Variants in SH3BGRL observed in about 807,000 individuals in gnomAD.
The protein encoded by SH3BGRL is adapter SH3BGRL.
In SH3BGRL, 7 loss-of-function variants were observed where a neutral mutation model predicts 9.8. The ratio of observed to expected loss-of-function variants is 0.72; its 90% CI spans 0.41 to 1.35. The LOEUF (loss-of-function observed/expected upper bound fraction) is 1.35, where lower values mean the gene tolerates loss of function less well. Among genes scored for constraint, SH3BGRL ranks in the 40% most tolerant of loss-of-function variants. The pLI is 0.01. For synonymous variants in SH3BGRL, 36 were observed against 29.1 expected (o/e 1.24, Z -0.76); for missense variants, 73 against 84.4 (o/e 0.86, Z 0.53).
At chrX:81,226,685 G>A (rs1048835541) in intron 1 of SH3BGRL, among the ~76,000 whole-genome samples, 1 of 107,718 alleles carries the variant, frequency 9.3e-6, no homozygotes, top group African/African-American at 3.4e-5. Context: ...TTAGTAGAAA[G>A]GCAGAGGGAA....
chrX:81,270,389 T>C (rs1340919954), intron 1 of SH3BGRL, among the ~76,000 whole-genome samples: 1 of 111,994 alleles, frequency 8.9e-6, no homozygotes, highest in African/African-American at 3.3e-5. Context: ...TGCTGATCTA[T>C]GGATGTGGTT....
At chrX:81,228,069 G>A (rs1490594192) in intron 1 of SH3BGRL, among the ~76,000 whole-genome samples, 1 of 111,931 alleles carries the variant, frequency 8.9e-6, no homozygotes, top group East Asian at 2.8e-4. Context: ...ATAGAAAAAT[G>A]TTCCATGTAA....
At chrX:81,260,174 C>T (rs1407596977) in intron 1 of SH3BGRL, among the ~76,000 whole-genome samples, 3 of 111,611 alleles carry the variant, frequency 2.7e-5, no homozygotes, top group African/African-American at 9.8e-5. Context: ...CTCAAGGAGG[C>T]TTCATTAAGT....
At chrX:81,227,536 TGCTTCCTAGCCTAAAGGAAATCA>T (rs1297176310) in intron 1 of SH3BGRL, among the ~76,000 whole-genome samples, 1 of 111,557 alleles carries the variant, frequency 9.0e-6, no homozygotes, top group Non-Finnish European at 1.9e-5. Flanking sequence ...GACTGTTGAC[TGCTTCCTAGCCTAAAGGAAATCA>T]GTTGCCTAAA....
Position 81,297,476 on chromosome X carries a change from A to C in SH3BGRL, c.*249A>C. The C allele has an allele frequency of 7.1e-6, 2 of 282,902 alleles. No individual in the cohort carries two copies. The highest frequency in any genetic ancestry group is 5.5e-5 in the African/African-American group (2 of 36,692). 23.3% of individuals were successfully genotyped at this position (282,902 alleles called of 1,213,427 possible). On this transcript the variant is annotated 3_prime_UTR_variant, in exon 4 of 4. Transcript: ENST00000373212. The stretch of plus-strand genomic sequence containing the variant: ...TAGATATCGTAGAAATAGTGTTGTT[A>C]CCTGCCAAGCCATCCTGTATACACC...
intron 1 of SH3BGRL, among the ~76,000 whole-genome samples, chrX:81,261,517 A>T (rs1448688666): frequency 9.0e-6 from 1 of 111,208 alleles, no homozygotes; most frequent in Non-Finnish European, 1.9e-5. Flanking sequence ...TCTGTGATGG[A>T]GGAGCCCATA....
At chrX:81,268,763 G>A (rs760244073) in intron 1 of SH3BGRL, among the ~76,000 whole-genome samples, 1 of 111,431 alleles carries the variant, frequency 9.0e-6, no homozygotes, top group South Asian at 3.8e-4. Flanking sequence ...TTCAAGTCCT[G>A]GATATCCTTG....
At chrX:81,279,314 C>A (rs1385672763) in intron 3 of SH3BGRL, among the ~76,000 whole-genome samples, 1 of 111,495 alleles carries the variant, frequency 9.0e-6, no homozygotes, top group South Asian at 3.8e-4. Context: ...AGGTAAGGCA[C>A]TTTTCTTTAA....
chrX:81,250,432 A>G (rs1302626940), intron 1 of SH3BGRL, among the ~76,000 whole-genome samples: 3 of 110,862 alleles, frequency 2.7e-5, no homozygotes, highest in Non-Finnish European at 1.9e-5. Context: ...TAAAATAAAA[A>G]TAGAAAGAAA....
intron 3 of SH3BGRL, among the ~76,000 whole-genome samples, chrX:81,288,440 C>T (rs938062535): frequency 5.4e-5 from 6 of 111,656 alleles, no homozygotes; most frequent in Non-Finnish European, 1.1e-4. Flanking sequence ...TTAGCTAGAG[C>T]AACCAGCCAA....
intron 1 of SH3BGRL, among the ~76,000 whole-genome samples, chrX:81,225,145 T>A (rs2075612826): frequency 9.0e-6 from 1 of 111,287 alleles, no homozygotes. Flanking sequence ...AGTACCAATT[T>A]TATTTTTTTT....
rs760723766 is a variant in SH3BGRL, at chrX:81,277,114, C to T, written c.176C>T (p.Pro59Leu). 1 of 1,207,686 alleles carries T rather than the reference C, an allele frequency of 8.3e-7. No individual in the cohort carries two copies. Among genetic ancestry groups the T allele is most frequent in the East Asian group, 3.0e-5 (1 of 33,656 alleles). Reference protein sequence around the residue: ...MRENVPENSRPATGYPLPPQI... With the variant: ...MRENVPENSRLATGYPLPPQI... ...GAAAATGTACCTGAAAATAGTCGACCAGCCACAGGTTACCCCCTGCCACCT... is the reference window on the plus strand; with the variant it reads ...GAAAATGTACCTGAAAATAGTCGACTAGCCACAGGTTACCCCCTGCCACCT... The change falls in exon 2 of 4, where the codon CCA becomes CTA. Residue 59 changes from proline to leucine, a missense_variant. By Grantham distance (98) the Pro-to-Leu change is moderately conservative. Transcript: ENST00000373212.
chrX:81,245,621 C>G (rs1453638450), intron 1 of SH3BGRL, among the ~76,000 whole-genome samples: 2 of 111,692 alleles, frequency 1.8e-5, no homozygotes, highest in Non-Finnish European at 3.8e-5. Context: ...AACATCTTAA[C>G]TTGTAGAGAT....
At chrX:81,222,302 C>G (rs2075602233) in intron 1 of SH3BGRL, among the ~76,000 whole-genome samples, 1 of 104,220 alleles carries the variant, frequency 9.6e-6, no homozygotes. Flanking sequence ...AGGTATATCT[C>G]CTAATGCTAT....
intron 1 of SH3BGRL, among the ~76,000 whole-genome samples, chrX:81,228,684 G>T (rs779570395): frequency 5.4e-5 from 6 of 111,677 alleles, no homozygotes; most frequent in Non-Finnish European, 1.1e-4. Context: ...CCATTTAGAT[G>T]GCTGGGGGGC....
At chrX:81,275,987 G>A (rs1290612660) in intron 1 of SH3BGRL, among the ~76,000 whole-genome samples, 1 of 111,555 alleles carries the variant, frequency 9.0e-6, no homozygotes, top group Non-Finnish European at 1.9e-5. Context: ...CTCATTGGCA[G>A]ACAGATTTAT....
intron 1 of SH3BGRL, among the ~76,000 whole-genome samples, chrX:81,234,318 TAC>T (rs2075641349): frequency 8.9e-6 from 1 of 112,277 alleles, no homozygotes; most frequent in Admixed American, 9.4e-5. Flanking sequence ...ATTAATAAAA[TAC>T]AGATGATGAA....
intron 1 of SH3BGRL, among the ~76,000 whole-genome samples, chrX:81,276,770 A>G (rs781648149): frequency 8.9e-5 from 10 of 111,778 alleles, no homozygotes; most frequent in Non-Finnish European, 1.1e-4. Flanking sequence ...ATGGAAAAAA[A>G]AAAGAGAAAT....
chrX:81,289,622 C>A (rs1280139568), intron 3 of SH3BGRL, among the ~76,000 whole-genome samples: 1 of 111,274 alleles, frequency 9.0e-6, no homozygotes, highest in African/African-American at 3.3e-5. Flanking sequence ...CTTTGGGAGA[C>A]TAAGACGGGC....
Sources: allele counts gnomAD v4.1 joint callset (sites outside exome capture counted in the v4.1 genomes callset), GRCh38; gene constraint gnomAD v4.1.1; transcripts MANE v1.5; gene names NCBI Gene and HGNC (gene_info 2026-07-23, HGNC 2026-07-21).